Variants in C16orf74 observed in about 807,000 individuals in gnomAD.
C16orf74 encodes the protein uncharacterized protein C16orf74.
In C16orf74, 10 loss-of-function variants were observed where a neutral mutation model predicts 6.5. The observed-to-expected ratio is 1.54, with a 90% CI of 0.95 to 2.61. The LOEUF is 2.61. Ranked by LOEUF, C16orf74 falls within the 30% of genes most tolerant of loss-of-function variation. The pLI is 0.00. For missense variants in C16orf74, 141 were observed against 105.9 expected, an observed-to-expected ratio of 1.33 and a Z score of -1.45; for synonymous variants, 60 against 42.5, an observed-to-expected ratio of 1.41 and a Z score of -1.60.
intron 2 of C16orf74, among the ~76,000 whole-genome samples, chr16:85,712,254 C>T (rs547345827): frequency 2.8e-4 from 43 of 152,300 alleles, no homozygotes; most frequent in Non-Finnish European, 4.9e-4. Flanking sequence ...ACATCATGAT[C>T]GACCCTGAGC....
intron 2 of C16orf74, among the ~76,000 whole-genome samples, chr16:85,715,094 T>C (rs2054009974): frequency 1.3e-5 from 2 of 150,232 alleles, no homozygotes; most frequent in African/African-American, 4.9e-5. Context: ...GAGGCGGAGC[T>C]TGCAGTGAGC....
chr16:85,720,705 G>T (rs1295209689), intron 2 of C16orf74, among the ~76,000 whole-genome samples: 1 of 146,364 alleles, frequency 6.8e-6, no homozygotes, highest in Non-Finnish European at 1.5e-5. Flanking sequence ...GAGCCCAGGA[G>T]TTTAAGGTTA....
chr16:85,744,520 C>T (rs1432761077), intron 1 of C16orf74, among the ~76,000 whole-genome samples: 1 of 152,086 alleles, frequency 6.6e-6, no homozygotes, highest in African/African-American at 2.4e-5. Flanking sequence ...TTCTTTCTTG[C>T]ACCCAGGCAT....
At chr16:85,737,959 TG>T (rs2054262257) in intron 1 of C16orf74, among the ~76,000 whole-genome samples, 2 of 126,956 alleles carry the variant, frequency 1.6e-5, no homozygotes, top group African/African-American at 5.6e-5. Flanking sequence ...ATTTTTTTTG[TG>T]ATTTTTTTTT....
intron 2 of C16orf74, among the ~76,000 whole-genome samples, chr16:85,722,194 C>T (rs896812245): frequency 6.6e-6 from 1 of 151,952 alleles, no homozygotes; most frequent in African/African-American, 2.4e-5. Context: ...AGATAATAAC[C>T]TGTATACTGC....
rs183469150 is a variant in C16orf74 at position 85,744,620 on chromosome 16, G to A, written c.-19+6306C>T. On this transcript the variant is annotated intron_variant, in intron 1 of 3. Coordinates refer to ENST00000284245, the MANE Select transcript of C16orf74 (RefSeq NM_206967.3). ...CCAAGGCGGGCGGATCACGAGGTCA[G>A]GAGATCGAGACCATCCTGGCTAACA... 9.9e-4 allele frequency among the ~76,000 whole-genome samples: 150 copies of A among 151,954 alleles called. 2 individuals are homozygous for A. The East Asian group carries it at 0.016, about 16-fold the overall frequency.
intron 1 of C16orf74, among the ~76,000 whole-genome samples, chr16:85,738,569 G>T (rs1479058404): frequency 6.6e-6 from 1 of 151,552 alleles, no homozygotes; most frequent in Non-Finnish European, 1.5e-5. Context: ...GACCTCAAGT[G>T]ATCCACCCAC....
At chr16:85,734,210 T>G (rs2054220219) in intron 2 of C16orf74, among the ~76,000 whole-genome samples, 1 of 152,124 alleles carries the variant, frequency 6.6e-6, no homozygotes, top group South Asian at 2.1e-4. Flanking sequence ...ATAGTACAAT[T>G]AATTAAGAGC....
rs1445902103 is a variant in C16orf74, at chr16:85,707,747, T to A, written c.*261A>T. On this transcript the variant is annotated 3_prime_UTR_variant, in exon 4 of 4. Coordinates refer to ENST00000284245, the MANE Select transcript of C16orf74 (RefSeq NM_206967.3). ...ACCCCAACAGCCAGGACCATGGCGC[T>A]CCCTTTCACCAGGCCGGAGTCAGCA... is the stretch of plus-strand genomic sequence containing the variant. 1 of 506,850 alleles carries A rather than the reference T, an allele frequency of 2.0e-6. No homozygotes were observed. Among genetic ancestry groups the A allele is most frequent in the Non-Finnish European group, 3.5e-6 (1 of 284,336 alleles). The allele number at this position is 506,850 out of a possible 1,614,324, so 31.4% of individuals were successfully genotyped here.
rs1262752710 is a variant in C16orf74, at chr16:85,707,805, C to G, written c.*203G>C. The G allele has an allele frequency of 1.0e-5, 6 of 586,886 alleles. No individual in the cohort carries two copies. The highest frequency in any genetic ancestry group is 4.0e-5 in the South Asian group (2 of 49,532). 36.4% of individuals were successfully genotyped at this position (586,886 alleles called of 1,614,324 possible). A position where few individuals can be genotyped will look rare whatever the true frequency, so the allele number is the denominator to read the frequency against. Reference sequence around the variant, plus strand: ...GGAGGTGTCAGAGGTCCGGTCCACTCAGCGGGGCCTGGGAAACACTGTTCT... The same window carrying G: ...GGAGGTGTCAGAGGTCCGGTCCACTGAGCGGGGCCTGGGAAACACTGTTCT... On this transcript the variant is annotated 3_prime_UTR_variant, in exon 4 of 4. Coordinates refer to ENST00000284245, the MANE Select transcript of C16orf74 (RefSeq NM_206967.3).
chr16:85,735,329 G>A lies in C16orf74; in HGVS notation c.-18-94C>T, dbSNP rs2054232682. The stretch of plus-strand genomic sequence containing the variant: ...GCCCCCACCCTTGGCCCTGATGAGT[G>A]CAAAACAGGAGGTTGTGGTGGAGAG... On this transcript the variant is annotated intron_variant, in intron 1 of 3. Transcript: ENST00000284245. 5.4e-6 allele frequency: 4 copies of A among 747,630 alleles called. No homozygotes were observed. In the East Asian group the frequency reaches 9.4e-5, roughly 18 times the overall value. The allele number at this position is 747,630 out of a possible 1,614,324, so 46.3% of individuals were successfully genotyped here. A position where few individuals can be genotyped will look rare whatever the true frequency, so the allele number is the denominator to read the frequency against.
chr16:85,738,648 A>G (rs933912856), intron 1 of C16orf74, among the ~76,000 whole-genome samples: 4 of 151,568 alleles, frequency 2.6e-5, no homozygotes, highest in African/African-American at 9.7e-5. Flanking sequence ...GGGATTTTTA[A>G]AAGCTCCCTG....
In C16orf74 at chr16:85,708,002, ACCT is replaced by A; in HGVS notation, c.*3_*5del. 1 of 1,551,700 alleles carries A rather than the reference ACCT, an allele frequency of 6.4e-7. No homozygotes were observed. Among genetic ancestry groups the A allele is most frequent in the African/African-American group, 1.4e-5 (1 of 73,112 alleles). ...GGAGCCAGCCAGCCAAACCCAGGAC[ACCT>A]CCTCAGGCTTCTGGGTCGATTTCTC... On this transcript the variant is annotated 3_prime_UTR_variant, in exon 4 of 4. Transcript: ENST00000284245.
intron 1 of C16orf74, among the ~76,000 whole-genome samples, chr16:85,750,307 C>T (rs1211159633): frequency 1.3e-5 from 2 of 152,236 alleles, no homozygotes; most frequent in Non-Finnish European, 2.9e-5. Context: ...AGACCCCGCC[C>T]TCCGCCTATC....
chr16:85,740,578 G>A (rs540236949), intron 1 of C16orf74, among the ~76,000 whole-genome samples: 2 of 151,890 alleles, frequency 1.3e-5, no homozygotes, highest in South Asian at 4.2e-4. Context: ...GGCGGGCCCA[G>A]CTACTAGAGA....
At chr16:85,712,500 C>T (rs1174100358) in intron 2 of C16orf74, among the ~76,000 whole-genome samples, 1 of 152,146 alleles carries the variant, frequency 6.6e-6, no homozygotes, top group Non-Finnish European at 1.5e-5. Flanking sequence ...CTTTGTTCAC[C>T]CAAGGGGTGT....
intron 1 of C16orf74, among the ~76,000 whole-genome samples, chr16:85,745,293 T>C (rs2054361304): frequency 6.6e-6 from 1 of 151,656 alleles, no homozygotes; most frequent in South Asian, 2.1e-4. Flanking sequence ...CAGACAGACA[T>C]CAGATGTCAT....
intron 1 of C16orf74, chr16:85,741,718 T>C (rs913785955): frequency 2.4e-5 from 4 of 169,520 alleles, no homozygotes; most frequent in African/African-American, 7.2e-5. Flanking sequence ...ATTGGGAGTC[T>C]AGAGGAGCTG....
chr16:85,714,084 C>T (rs149110506), intron 2 of C16orf74, among the ~76,000 whole-genome samples: 237 of 152,276 alleles, frequency 1.6e-3, no homozygotes, highest in African/African-American at 5.6e-3. Flanking sequence ...TGTGCCCCCG[C>T]CCCACTTCTG....
Sources: allele counts gnomAD v4.1 joint callset (sites outside exome capture counted in the v4.1 genomes callset), GRCh38; gene constraint gnomAD v4.1.1; transcripts MANE v1.5; gene names NCBI Gene and HGNC (gene_info 2026-07-23, HGNC 2026-07-21).